Variants in SENP8 observed in about 807,000 individuals in gnomAD.
SENP8 encodes the protein sentrin-specific protease 8.
SENP8 carries 10 observed loss-of-function variants against 14.4 expected under a neutral mutation model. The ratio of observed to expected loss-of-function variants is 0.69; its 90% CI spans 0.43 to 1.18. SENP8 has a LOEUF of 1.18. SENP8 is among the 50% of genes most tolerant of loss of function. SENP8 has a pLI of 0.00. For synonymous variants in SENP8, 94 were observed against 95.5 expected, an observed-to-expected ratio of 0.98 and a Z score of 0.09; for missense variants, 202 against 249.4, an observed-to-expected ratio of 0.81 and a Z score of 1.28.
intron 1 of SENP8, among the ~76,000 whole-genome samples, chr15:72,123,636 G>A (rs2081187395): frequency 6.6e-6 from 1 of 151,984 alleles, no homozygotes; most frequent in Non-Finnish European, 1.5e-5. Flanking sequence ...CACCTCCTGG[G>A]TTCAAGCAAT....
chr15:72,127,584 G>A (rs1267196952), intron 1 of SENP8, among the ~76,000 whole-genome samples: 1 of 152,118 alleles, frequency 6.6e-6, no homozygotes, highest in Admixed American at 6.5e-5. Flanking sequence ...GTAGGGTTTT[G>A]TAAACTAGGG....
chr15:72,115,219 T>C (rs1277980348), upstream of SENP8, among the ~76,000 whole-genome samples: 2 of 152,208 alleles, frequency 1.3e-5, no homozygotes, highest in Non-Finnish European at 2.9e-5. Context: ...ATGTTGGGTT[T>C]CCATCCTAAA....
intron 1 of SENP8, chr15:72,135,531 G>A (rs916212235): frequency 6.6e-6 from 1 of 152,136 alleles, no homozygotes; most frequent in African/African-American, 2.4e-5. Flanking sequence ...TGATCACACA[G>A]CCAATGAGTA....
chr15:72,136,930 C>T (rs140072775), intron 1 of SENP8, among the ~76,000 whole-genome samples: 2,044 of 152,270 alleles, frequency 0.013, 29 homozygotes, highest in African/African-American at 0.023. Flanking sequence ...ATATTCTACA[C>T]CCATCAGACT....
intron 1 of SENP8, among the ~76,000 whole-genome samples, chr15:72,128,295 T>C (rs2140505668): frequency 6.6e-6 from 1 of 152,332 alleles, no homozygotes; most frequent in South Asian, 2.1e-4. Context: ...ACCAAATGAA[T>C]AAATTTACTT....
Position 72,139,789 on chromosome 15 carries a change from C to A in SENP8, c.166C>A (p.Pro56Thr). The A allele has an allele frequency of 6.2e-7, 1 of 1,614,136 alleles. No homozygotes were observed. The highest frequency in any genetic ancestry group is 8.5e-7 in the Non-Finnish European group (1 of 1,180,022). Residue 56 changes from proline (P) to threonine (T), a missense_variant, in exon 2 of 2, where the codon CCT becomes ACT. Coordinates refer to ENST00000340912, the MANE Select transcript of SENP8 (RefSeq NM_145204.4). ...DCSDHVSFISPEVTQFIKCTS... is the reference protein window; with the variant it reads ...DCSDHVSFISTEVTQFIKCTS... Reference sequence around the variant, plus strand: ...CTCTGATCACGTCAGTTTCATCAGCCCTGAAGTCACCCAGTTCATCAAGTG... The same window carrying A: ...CTCTGATCACGTCAGTTTCATCAGCACTGAAGTCACCCAGTTCATCAAGTG...
chr15:72,125,089 C>A (rs991332194), intron 1 of SENP8, among the ~76,000 whole-genome samples: 2 of 152,104 alleles, frequency 1.3e-5, no homozygotes, highest in African/African-American at 4.8e-5. Context: ...CAAATACTGC[C>A]ATGGTGAATA....
chr15:72,135,931 T>A (rs1188242581), intron 1 of SENP8, among the ~76,000 whole-genome samples: 1 of 151,218 alleles, frequency 6.6e-6, no homozygotes, highest in Non-Finnish European at 1.5e-5. Flanking sequence ...TTTGCCAAGC[T>A]ATATGACCTG....
intron 1 of SENP8, chr15:72,139,342 C>A (rs2081357827): frequency 2.6e-6 from 1 of 384,720 alleles, no homozygotes. Flanking sequence ...GGTCTTCATC[C>A]TCATCATCAT....
intron 1 of SENP8, among the ~76,000 whole-genome samples, chr15:72,127,309 A>G (rs931158126): frequency 6.6e-6 from 1 of 152,204 alleles, no homozygotes; most frequent in African/African-American, 2.4e-5. Context: ...TATTCAAGGA[A>G]TTGAAATTAG....
chr15:72,116,301 G>A (rs1275049548), upstream of SENP8, among the ~76,000 whole-genome samples: 4 of 152,182 alleles, frequency 2.6e-5, no homozygotes, highest in Admixed American at 2.6e-4. Flanking sequence ...CTGTGTGTGT[G>A]TGTATGACTA....
intron 1 of SENP8, chr15:72,135,032 G>A (rs2081313084): frequency 8.8e-6 from 3 of 339,482 alleles, no homozygotes; most frequent in Non-Finnish European, 1.8e-5. Flanking sequence ...GCACCAGCCT[G>A]CTCCACCCAG....
At chr15:72,115,638 A>C (rs1022322272), upstream of SENP8, among the ~76,000 whole-genome samples, 3 of 152,206 alleles carry the variant, frequency 2.0e-5, no homozygotes, top group African/African-American at 7.2e-5. Flanking sequence ...CTGCAGCCAG[A>C]ATGACTTTTT....
chr15:72,125,360 C>T (rs2081206595), intron 1 of SENP8, among the ~76,000 whole-genome samples: 1 of 152,084 alleles, frequency 6.6e-6, no homozygotes, highest in Non-Finnish European at 1.5e-5. Flanking sequence ...TTTTAACTTA[C>T]ATTTATTTGA....
At chr15:72,117,748 C>T (rs2081052020), upstream of SENP8, 6 of 397,842 alleles carry the variant, frequency 1.5e-5, no homozygotes, top group Admixed American at 2.6e-4. Context: ...CACCCTCCGC[C>T]CCAGGGTAGG....
In SENP8 at chr15:72,141,093, G is replaced by A. The variant is rs1239405517; in HGVS notation, c.*831G>A. Reference sequence around the variant, plus strand: ...AAGTTCTTTGGTTCTAAAATTCATAGTTGATACCTTCCCAAGGTTACCTGT... The same window carrying A: ...AAGTTCTTTGGTTCTAAAATTCATAATTGATACCTTCCCAAGGTTACCTGT... On this transcript the variant is annotated 3_prime_UTR_variant, in exon 2 of 2. Coordinates refer to ENST00000340912, the MANE Select transcript of SENP8 (RefSeq NM_145204.4). 1 of 159,184 alleles carries A rather than the reference G, an allele frequency of 6.3e-6. No individual in the cohort carries two copies. The highest frequency in any genetic ancestry group is 2.4e-5 in the African/African-American group (1 of 41,456). The allele number at this position is 159,184 out of a possible 1,614,324, so 9.9% of individuals were successfully genotyped here. A position where few individuals can be genotyped will look rare whatever the true frequency, so the allele number is the denominator to read the frequency against.
chr15:72,121,870 G>A (rs1455363333), intron 1 of SENP8, among the ~76,000 whole-genome samples: 1 of 152,224 alleles, frequency 6.6e-6, no homozygotes, highest in African/African-American at 2.4e-5. Context: ...TTAACTTTAT[G>A]TGGTCAAGAG....
intron 1 of SENP8, 92 bp from the exon 2 acceptor site, chr15:72,139,485 G>A: frequency 4.1e-6 from 5 of 1,225,370 alleles, no homozygotes; most frequent in Non-Finnish European, 5.7e-6. Flanking sequence ...GGTCAACTGT[G>A]TATTTTTTTA....
chr15:72,114,276 C>T (rs2080887162), upstream of SENP8: 1 of 152,086 alleles, frequency 6.6e-6, no homozygotes, highest in Non-Finnish European at 1.5e-5. Flanking sequence ...CAACAGCAGT[C>T]AAGAGAATGA....
Sources: gnomAD v4.1 joint callset for allele counts (sites outside exome capture counted in the v4.1 genomes callset) on GRCh38, gnomAD v4.1.1 for gene constraint, MANE v1.5 for transcripts, NCBI Gene and HGNC (gene_info 2026-07-23, HGNC 2026-07-21) for gene names.